The following PARD3B variants were observed in gnomAD, a reference collection of about 807,000 sequenced individuals.
PARD3B encodes partitioning defective 3 homolog B.
In PARD3B, 103 loss-of-function variants were observed where a neutral mutation model predicts 130.2. The ratio of observed to expected loss-of-function variants is 0.79; its 90% CI spans 0.67 to 0.93. The LOEUF is 0.93. Ranked by LOEUF, PARD3B falls within the 40% of genes least tolerant of loss-of-function variation. The pLI is 0.00. For missense variants in PARD3B, 1,609 were observed against 1,499.2 expected, an observed-to-expected ratio of 1.07 and a Z score of -1.21; for synonymous variants, 583 against 553.2, an observed-to-expected ratio of 1.05 and a Z score of -0.76.
intron 19 of PARD3B, among the ~76,000 whole-genome samples, chr2:205,439,307 C>G (rs1403734226): frequency 6.6e-6 from 1 of 152,118 alleles, no homozygotes; most frequent in Non-Finnish European, 1.5e-5. Context: ...CCCATCTATT[C>G]TTGACTTTCT....
intron 5 of PARD3B, among the ~76,000 whole-genome samples, chr2:205,112,888 G>A (rs2125596030): frequency 6.6e-6 from 1 of 152,248 alleles, no homozygotes; most frequent in South Asian, 2.1e-4. Flanking sequence ...TATAGGAGGT[G>A]AAAATTTGGA....
chr2:205,497,699 T>A (rs2049987419), intron 20 of PARD3B, among the ~76,000 whole-genome samples: 2 of 152,072 alleles, frequency 1.3e-5, no homozygotes, highest in South Asian at 4.1e-4. Context: ...ATACAGCATG[T>A]TTTACACTTA....
chr2:205,551,508 C>T (rs776530613), intron 21 of PARD3B, among the ~76,000 whole-genome samples: 1 of 152,146 alleles, frequency 6.6e-6, no homozygotes, highest in Non-Finnish European at 1.5e-5. Context: ...TCCCTACCTA[C>T]GTAGTAGCTC....
At chr2:205,083,639 T>C (rs558069108) in intron 4 of PARD3B, among the ~76,000 whole-genome samples, 2 of 152,128 alleles carry the variant, frequency 1.3e-5, no homozygotes, top group East Asian at 3.9e-4. Context: ...GGAAACAATT[T>C]TTGCCCTCAA....
chr2:205,290,753 C>A (rs1258769314), intron 16 of PARD3B, among the ~76,000 whole-genome samples: 1 of 152,096 alleles, frequency 6.6e-6, no homozygotes, highest in Non-Finnish European at 1.5e-5. Flanking sequence ...AAATCCTATA[C>A]CACAATATGA....
At chr2:204,787,901 G>T (rs898635373) in intron 2 of PARD3B, among the ~76,000 whole-genome samples, 2 of 152,154 alleles carry the variant, frequency 1.3e-5, no homozygotes, top group African/African-American at 4.8e-5. Context: ...TGTGGCTATT[G>T]AACTGGATTT....
At chr2:204,835,610 A>C (rs1314062769) in intron 2 of PARD3B, among the ~76,000 whole-genome samples, 3 of 152,198 alleles carry the variant, frequency 2.0e-5, no homozygotes, top group Non-Finnish European at 4.4e-5. Flanking sequence ...TATGAATACC[A>C]GTTCAATTTT....
chr2:205,006,723 G>A (rs1695294941), intron 3 of PARD3B, among the ~76,000 whole-genome samples: 1 of 152,064 alleles, frequency 6.6e-6, no homozygotes. Context: ...TCCTTTGTCA[G>A]ATGCATAGTT....
At chr2:204,566,247 A>C (rs557619187) in intron 1 of PARD3B, among the ~76,000 whole-genome samples, 9 of 152,354 alleles carry the variant, frequency 5.9e-5, no homozygotes, top group Non-Finnish European at 1.2e-4. Flanking sequence ...TCATTTTATA[A>C]TCCATTTGTA....
At chr2:205,296,310 C>T (rs147023542) in intron 16 of PARD3B, among the ~76,000 whole-genome samples, 59 of 152,282 alleles carry the variant, frequency 3.9e-4, no homozygotes, top group African/African-American at 1.2e-3. Context: ...ACCCTCTAGA[C>T]AGTTTTATTC....
At chr2:204,772,705 C>T (rs1322278745) in intron 2 of PARD3B, among the ~76,000 whole-genome samples, 5 of 152,078 alleles carry the variant, frequency 3.3e-5, no homozygotes, top group African/African-American at 1.2e-4. Flanking sequence ...CATAAAATTA[C>T]AGTAATGTTG....
Position 205,301,550 on chromosome 2 carries a change from A to G in PARD3B, c.2479A>G (p.Met827Val). The stretch of plus-strand genomic sequence containing the variant: ...TCAGGGGAATTCGGAGCTAGAGGAC[A>G]TGGAAAATAAAGCCAGGAAAGTCAA... ...APQGNSELED[M>V]ENKARKVKKT... Residue 827 changes from methionine to valine, a missense_variant, in exon 18 of 23, where the codon ATG becomes GTG. Transcript: ENST00000406610. The surrounding 1 kb of genome is among the most constrained non-coding windows in gnomAD (Gnocchi z 5.2). The G allele has an allele frequency of 6.2e-7, 1 of 1,614,106 alleles. No individual in the cohort carries two copies. The highest frequency in any genetic ancestry group is 8.5e-7 in the Non-Finnish European group (1 of 1,180,036).
chr2:205,271,876 G>A (rs1026147795), intron 16 of PARD3B, among the ~76,000 whole-genome samples: 1 of 152,096 alleles, frequency 6.6e-6, no homozygotes, highest in Admixed American at 6.6e-5. Flanking sequence ...AAAGATGCTC[G>A]GCTGGGTGCG....
At chr2:205,113,425 T>TG in intron 5 of PARD3B, 66 bp from the exon 6 acceptor site, 55 of 1,049,192 alleles carry the variant, frequency 5.2e-5, no homozygotes, top group South Asian at 9.4e-5. Context: ...TGTGTGTGTA[T>TG]TTTAGATGTG....
chr2:205,458,560 GT>G lies in PARD3B; in HGVS notation c.3044+17892del, dbSNP rs1320907503. ...TTCAGTTTTAGGTGTCTATTTGTTT[GT>G]TTTACCCTGAGATGCTACTTCTCTG... On this transcript the variant is annotated intron_variant, in intron 20 of 22. Transcript: ENST00000406610. This position sits in a 1 kb window ranked among gnomAD's most constrained non-coding sequence, Gnocchi z 4.8. 1.3e-5 allele frequency among the ~76,000 whole-genome samples: 2 copies of G among 151,994 alleles called. No individual in the cohort carries two copies. The highest frequency in any genetic ancestry group is 2.9e-5 in the Non-Finnish European group (2 of 67,980).
At chr2:204,706,799 A>G (rs2038185849) in intron 2 of PARD3B, among the ~76,000 whole-genome samples, 1 of 152,216 alleles carries the variant, frequency 6.6e-6, no homozygotes, top group African/African-American at 2.4e-5. Flanking sequence ...AACACTCCTC[A>G]TATGGTCTTT....
chr2:205,451,746 A>G (rs2048111639), intron 20 of PARD3B, among the ~76,000 whole-genome samples: 1 of 151,730 alleles, frequency 6.6e-6, no homozygotes, highest in African/African-American at 2.4e-5. Flanking sequence ...TGATACAGGC[A>G]TACAATGCAT....
chr2:205,074,257 AC>A (rs748995930), intron 4 of PARD3B, among the ~76,000 whole-genome samples: 120 of 152,222 alleles, frequency 7.9e-4, no homozygotes, highest in Non-Finnish European at 1.3e-3. Context: ...GACATTAATT[AC>A]AAAAAACTTT....
chr2:204,942,199 A>G lies in PARD3B; in HGVS notation c.223-22953A>G, dbSNP rs115844877. Among the ~76,000 whole-genome samples, 1,364 of 152,304 alleles carry G rather than the reference A, an allele frequency of 9.0e-3. 25 individuals carry two copies. The highest frequency in any genetic ancestry group is 0.031 in the African/African-American group (1,294 of 41,568). ...AAACCAATTGCTAAAATGAATAACT[A>G]AGACTAAAGGCCTTTTTTCTTGTTG... is the stretch of plus-strand genomic sequence containing the variant. On this transcript the variant is annotated intron_variant, in intron 2 of 22. Coordinates refer to ENST00000406610, the MANE Select transcript of PARD3B (RefSeq NM_001302769.2).
Sources: allele counts gnomAD v4.1 joint callset (sites outside exome capture counted in the v4.1 genomes callset), GRCh38; gene constraint gnomAD v4.1.1; non-coding constraint Gnocchi (gnomAD v3.1); transcripts MANE v1.5; gene names NCBI Gene and HGNC (gene_info 2026-07-23, HGNC 2026-07-21).